The following CD38 variants were observed in gnomAD, a reference collection of about 807,000 sequenced individuals.
CD38 encodes ADP-ribosyl cyclase/cyclic ADP-ribose hydrolase 1.
A neutral mutation model predicts 36.3 loss-of-function variants in CD38; 31 were observed. That is an observed-to-expected ratio of 0.85 (90% confidence interval 0.64 to 1.15). The LOEUF (loss-of-function observed/expected upper bound fraction) is 1.15. Among genes scored for constraint, CD38 ranks in the 50% most tolerant of loss-of-function variants. The pLI, the probability that CD38 is intolerant of heterozygous loss-of-function variation, is 0.00. For missense variants in CD38, 380 were observed against 371.9 expected, an observed-to-expected ratio of 1.02 and a Z score of -0.18; for synonymous variants, 131 against 135.2, an observed-to-expected ratio of 0.97 and a Z score of 0.22.
At chr4:15,796,500 T>A in intron 1 of CD38, among the ~76,000 whole-genome samples, 1 of 152,154 alleles carries the variant, frequency 6.6e-6, no homozygotes, top group East Asian at 1.9e-4. Context: ...GAAATGTTCA[T>A]GGAATAGTAG....
rs1722618853 is a variant in CD38 at position 15,778,786 on chromosome 4, G to A, written c.233+139G>A. Reference sequence around the variant, plus strand: ...AGAGCCCGCCGGGTGGTGCTGAGTAGGGAGTCCCGGGCTCGGGGCTCCGCG... The same window carrying A: ...AGAGCCCGCCGGGTGGTGCTGAGTAAGGAGTCCCGGGCTCGGGGCTCCGCG... On this transcript the variant is annotated intron_variant, in intron 1 of 7. Transcript: ENST00000226279. This position sits in a 1 kb window ranked among gnomAD's most constrained non-coding sequence, Gnocchi z 4.9. 1 of 624,706 alleles carries A rather than the reference G, an allele frequency of 1.6e-6. No homozygotes were observed. Among genetic ancestry groups the A allele is most frequent in the Admixed American group, 3.0e-5 (1 of 33,536 alleles). The allele number at this position is 624,706 out of a possible 1,614,324, so 38.7% of individuals were successfully genotyped here. A position where few individuals can be genotyped will look rare whatever the true frequency, so the allele number is the denominator to read the frequency against.
intron 1 of CD38, among the ~76,000 whole-genome samples, chr4:15,786,006 C>T (rs1324962095): frequency 6.6e-6 from 1 of 150,928 alleles, no homozygotes; most frequent in African/African-American, 2.4e-5. Flanking sequence ...TGGAGTTGTT[C>T]GTTCCTCCCA....
At chr4:15,835,829 T>C (rs910104644) in intron 4 of CD38, among the ~76,000 whole-genome samples, 1 of 152,194 alleles carries the variant, frequency 6.6e-6, no homozygotes, top group Non-Finnish European at 1.5e-5. Context: ...CATTTTTTAA[T>C]TCCTGAATAC....
intron 1 of CD38, among the ~76,000 whole-genome samples, chr4:15,795,747 A>T (rs192620243): frequency 6.6e-6 from 1 of 152,036 alleles, no homozygotes; most frequent in Non-Finnish European, 1.5e-5. Context: ...TCAGTTGTCT[A>T]CTCCCTGCTA....
At chr4:15,821,440 G>T (rs755400475) in intron 2 of CD38, among the ~76,000 whole-genome samples, 2 of 151,748 alleles carry the variant, frequency 1.3e-5, no homozygotes, top group Non-Finnish European at 2.9e-5. Flanking sequence ...TAGATGGATC[G>T]CTAGCTAGAC....
chr4:15,820,548 G>A (rs1170930764), intron 2 of CD38, among the ~76,000 whole-genome samples: 1 of 152,040 alleles, frequency 6.6e-6, no homozygotes, highest in Non-Finnish European at 1.5e-5. Context: ...CCTAGTTTAT[G>A]ACAAAACAGA....
intron 1 of CD38, among the ~76,000 whole-genome samples, chr4:15,809,454 G>T (rs1723417878): frequency 6.6e-6 from 1 of 152,180 alleles, no homozygotes; most frequent in Admixed American, 6.5e-5. Flanking sequence ...ATCACCCCTG[G>T]TTGACCATTA....
intron 1 of CD38, among the ~76,000 whole-genome samples, chr4:15,790,517 G>C (rs547365759): frequency 9.9e-5 from 15 of 151,996 alleles, no homozygotes; most frequent in African/African-American, 3.6e-4. Flanking sequence ...GCGTGATCTC[G>C]GCTCGCTACA....
chr4:15,818,119 G>C lies in CD38; in HGVS notation c.363+1479G>C, dbSNP rs372656573. ...GAACCACTGGCTTGAAATTCTTGCTGCCAGCACAGCAGTCTGAAGTTGACC... is the reference window on the plus strand; with the variant it reads ...GAACCACTGGCTTGAAATTCTTGCTCCCAGCACAGCAGTCTGAAGTTGACC... On this transcript the variant is annotated intron_variant, in intron 2 of 7. Transcript: ENST00000226279. 2.7e-5 allele frequency among the ~76,000 whole-genome samples: 4 copies of C among 149,682 alleles called. No homozygotes were observed. In the East Asian group the frequency reaches 6.0e-4, roughly 22 times the overall value.
In CD38 at chr4:15,778,489, T is replaced by C; in HGVS notation, c.75T>C (p.Cys25=). 1.2e-6 allele frequency: 2 copies of C among 1,613,754 alleles called. No individual in the cohort carries two copies. Among genetic ancestry groups the C allele is most frequent in the Non-Finnish European group, 1.7e-6 (2 of 1,179,964 alleles). ...CCRLSRRAQL[C]LGVSILVLIL... ...GGCTCTCTAGGAGAGCCCAACTCTG[T>C]CTTGGCGTCAGTATCCTGGTCCTGA... Residue 25 remains cysteine, a synonymous_variant, in exon 1 of 8, where the codon TGT becomes TGC. Coordinates refer to ENST00000226279, the MANE Select transcript of CD38 (RefSeq NM_001775.4). This position sits in a 1 kb window ranked among gnomAD's most constrained non-coding sequence, Gnocchi z 4.9.
At position 15,851,428 on chromosome 4, in the gene CD38, C is replaced by A. The variant is rs1053213839; in HGVS notation, c.*2826C>A. ...CCATTCTCATTTGCTGTAGAAAATT[C>A]TCTTACCATCCCAACTTTCACCCAC... On this transcript the variant is annotated 3_prime_UTR_variant, in exon 8 of 8. Coordinates refer to ENST00000226279, the MANE Select transcript of CD38 (RefSeq NM_001775.4). 1.3e-5 allele frequency: 2 copies of A among 152,194 alleles called. No homozygotes were observed. Among genetic ancestry groups the A allele is most frequent in the Non-Finnish European group, 2.9e-5 (2 of 68,050 alleles). 9.4% of individuals were successfully genotyped at this position (152,194 alleles called of 1,614,324 possible).
At chr4:15,789,341 GTAT>G (rs1239187777) in intron 1 of CD38, among the ~76,000 whole-genome samples, 1 of 152,164 alleles carries the variant, frequency 6.6e-6, no homozygotes, top group Non-Finnish European at 1.5e-5. Context: ...ATGGTGGAAA[GTAT>G]TAAAAAGAGT....
chr4:15,851,362 C>T lies in CD38; in HGVS notation c.*2760C>T, dbSNP rs533033250. 5.3e-5 allele frequency: 8 copies of T among 152,282 alleles called. 1 individual carries two copies. Among genetic ancestry groups the T allele is most frequent in the Admixed American group, 5.2e-4 (8 of 15,298 alleles). The allele number at this position is 152,282 out of a possible 1,614,324, so 9.4% of individuals were successfully genotyped here. ...TGGATTACTGGTTGCTCATACACCT[C>T]ATATTTTACTCGTAAATCTACTACT... On this transcript the variant is annotated 3_prime_UTR_variant, in exon 8 of 8. Coordinates refer to ENST00000226279, the MANE Select transcript of CD38 (RefSeq NM_001775.4).
intron 1 of CD38, among the ~76,000 whole-genome samples, chr4:15,786,733 G>A (rs554096740): frequency 5.5e-4 from 84 of 152,358 alleles, no homozygotes; most frequent in African/African-American, 1.9e-3. Flanking sequence ...CTATGCACCC[G>A]CACTCCTCAG....
At chr4:15,833,738 A>G (rs1401974897) in intron 3 of CD38, among the ~76,000 whole-genome samples, 1 of 152,222 alleles carries the variant, frequency 6.6e-6, no homozygotes, top group Non-Finnish European at 1.5e-5. Context: ...TACTTCACTC[A>G]GGGTTAAGAC....
At chr4:15,830,387 C>T (rs1723935469) in intron 3 of CD38, among the ~76,000 whole-genome samples, 1 of 152,122 alleles carries the variant, frequency 6.6e-6, no homozygotes, top group South Asian at 2.1e-4. Context: ...ATTTGTATGT[C>T]TTCTTTTGAG....
At chr4:15,794,375 A>T (rs1217367717) in intron 1 of CD38, among the ~76,000 whole-genome samples, 1 of 152,196 alleles carries the variant, frequency 6.6e-6, no homozygotes, top group Non-Finnish European at 1.5e-5. Flanking sequence ...TTTAGTGGAG[A>T]TGTTGACCAG....
rs374030916 is a variant in CD38 at position 15,791,018 on chromosome 4, G to A, written c.233+12371G>A. Among the ~76,000 whole-genome samples the A allele has an allele frequency of 4.2e-4, 60 of 144,568 alleles. No individual in the cohort carries two copies. In the East Asian group the frequency reaches 0.011, roughly 26 times the overall value. 94.8% of individuals were successfully genotyped at this position (144,568 alleles called of 152,430 possible). A position where few individuals can be genotyped will look rare whatever the true frequency, so the allele number is the denominator to read the frequency against. ...TGGGAAGTGAGGAGCGTCTCCGCCC[G>A]GCAGCCACCCCGTCCGGGAGGGAGG... On this transcript the variant is annotated intron_variant, in intron 1 of 7. Coordinates refer to ENST00000226279, the MANE Select transcript of CD38 (RefSeq NM_001775.4).
At position 15,782,595 on chromosome 4, in the gene CD38, G is replaced by A. The variant is rs111284193; in HGVS notation, c.233+3948G>A. ...GCTGAATTAAATGAATGGTATATAA[G>A]CCAGGGTATTAAAAATAACATAAAC... On this transcript the variant is annotated intron_variant, in intron 1 of 7. Transcript: ENST00000226279. 2.2e-3 allele frequency among the ~76,000 whole-genome samples: 334 copies of A among 152,236 alleles called. 1 individual carries two copies. The highest frequency in any genetic ancestry group is 7.8e-3 in the African/African-American group (324 of 41,536).
Sources: gnomAD v4.1 joint callset for allele counts (sites outside exome capture counted in the v4.1 genomes callset) on GRCh38, gnomAD v4.1.1 for gene constraint, Gnocchi (gnomAD v3.1) non-coding constraint, MANE v1.5 for transcripts, NCBI Gene and HGNC (gene_info 2026-07-23, HGNC 2026-07-21) for gene names.